The following DCDC1 variants were observed in gnomAD, a reference collection of about 807,000 sequenced individuals.
The protein encoded by DCDC1 is doublecortin domain-containing protein 1.
DCDC1 carries 200 observed loss-of-function variants against 178.3 expected under a neutral mutation model. The ratio of observed to expected loss-of-function variants is 1.12; its 90% CI spans 1.00 to 1.26. The LOEUF is 1.26. Ranked by LOEUF, DCDC1 falls within the 50% of genes most tolerant of loss-of-function variation. The pLI is 0.00. For missense variants in DCDC1, 1,983 were observed against 1,749.2 expected (o/e 1.13, Z -2.38); for synonymous variants, 690 against 604.8 (o/e 1.14, Z -2.07).
intron 20 of DCDC1, among the ~76,000 whole-genome samples, chr11:31,054,471 C>A (rs1237968528): frequency 2.6e-5 from 4 of 152,034 alleles, no homozygotes; most frequent in African/African-American, 9.7e-5. Flanking sequence ...TCATTCTTCA[C>A]AGAATTAGAA....
chr11:31,006,673 A>G (rs1951862627), intron 20 of DCDC1, among the ~76,000 whole-genome samples: 1 of 152,218 alleles, frequency 6.6e-6, no homozygotes, highest in African/African-American at 2.4e-5. Context: ...TGTAATTGAC[A>G]ATACTTTGTC....
intron 12 of DCDC1, among the ~76,000 whole-genome samples, chr11:31,109,802 GGAAAACA>G (rs1198421639): frequency 1.3e-5 from 2 of 152,080 alleles, no homozygotes; most frequent in Non-Finnish European, 2.9e-5. Context: ...CCAATTGTCT[GGAAAACA>G]GAAAAAGGTA....
rs776884235 is a variant in DCDC1 at position 31,103,714 on chromosome 11, T to C, written c.1807A>G (p.Arg603Gly). ...TTATATGCAACCATGATATCACCTC[T>C]GGCAAATGCACTCACTCGGTCAAAG... ...LTFDRVSAFA[R>G]GDIMVAYKTF... Residue 603 changes from arginine to glycine, a missense_variant, in exon 14 of 39, where the codon AGA becomes GGA. Coordinates refer to ENST00000684477, the MANE Select transcript of DCDC1 (RefSeq NM_001387274.1). 2 of 765,872 alleles carry C rather than the reference T, an allele frequency of 2.6e-6. No homozygotes were observed. Among genetic ancestry groups the C allele is most frequent in the Admixed American group, 1.7e-5 (1 of 58,848 alleles). 47.4% of individuals were successfully genotyped at this position (765,872 alleles called of 1,614,324 possible).
chr11:30,971,490 C>A (rs137897127), intron 20 of DCDC1, among the ~76,000 whole-genome samples: 156 of 150,576 alleles, frequency 1.0e-3, no homozygotes, highest in African/African-American at 3.7e-3. Flanking sequence ...AAGAACCAAA[C>A]AAATCCTAGG....
chr11:31,012,440 A>T (rs11819982), intron 20 of DCDC1, among the ~76,000 whole-genome samples: 4,211 of 151,868 alleles, frequency 0.028, 173 homozygotes, highest in African/African-American at 0.095. Context: ...ATCTCTACAA[A>T]ATATATATAT....
chr11:31,295,193 A>C (rs1270107433), intron 6 of DCDC1, among the ~76,000 whole-genome samples: 1 of 152,212 alleles, frequency 6.6e-6, no homozygotes, highest in Non-Finnish European at 1.5e-5. Context: ...TACAATGTGA[A>C]TGCTAAGTAA....
intron 20 of DCDC1, among the ~76,000 whole-genome samples, chr11:31,045,152 G>A (rs1447268258): frequency 6.6e-6 from 1 of 151,970 alleles, no homozygotes; most frequent in African/African-American, 2.4e-5. Flanking sequence ...ATGTATATGT[G>A]TGTAGACTAA....
At chr11:31,184,406 A>T (rs1179184554) in intron 9 of DCDC1, among the ~76,000 whole-genome samples, 3 of 152,232 alleles carry the variant, frequency 2.0e-5, no homozygotes, top group African/African-American at 7.2e-5. Context: ...AAACACCAAA[A>T]GCAATGACAA....
At chr11:31,279,821 C>T (rs1308432387) in intron 7 of DCDC1, among the ~76,000 whole-genome samples, 1 of 151,984 alleles carries the variant, frequency 6.6e-6, no homozygotes, top group Non-Finnish European at 1.5e-5. Context: ...ACCACCATGG[C>T]ACGTGTATAC....
intron 8 of DCDC1, among the ~76,000 whole-genome samples, chr11:31,247,270 G>C (rs1384460077): frequency 6.6e-6 from 1 of 151,910 alleles, no homozygotes; most frequent in Non-Finnish European, 1.5e-5. Flanking sequence ...AATGCAGCCT[G>C]AGTCATGTTT....
intron 1 of DCDC1, among the ~76,000 whole-genome samples, chr11:31,364,591 C>T (rs1033284594): frequency 1.3e-5 from 2 of 152,174 alleles, no homozygotes; most frequent in Non-Finnish European, 2.9e-5. Context: ...AAGAAAAACA[C>T]AGCAACAAGT....
chr11:31,039,436 C>T (rs901991915), intron 20 of DCDC1, among the ~76,000 whole-genome samples: 3 of 152,192 alleles, frequency 2.0e-5, no homozygotes, highest in Non-Finnish European at 2.9e-5. Flanking sequence ...GTTCCACTTA[C>T]TAGCTCTTTG....
At chr11:31,305,502 A>G (rs1334198060) in intron 6 of DCDC1, 113 bp downstream of exon 6, 3 of 1,356,780 alleles carry the variant, frequency 2.2e-6, no homozygotes, top group Non-Finnish European at 3.0e-6. Flanking sequence ...AAATGCGTAA[A>G]CATTAGTTTT....
intron 10 of DCDC1, among the ~76,000 whole-genome samples, chr11:31,134,175 GACA>G (rs1387638795): frequency 3.9e-5 from 6 of 152,184 alleles, no homozygotes; most frequent in Non-Finnish European, 8.8e-5. Flanking sequence ...ATTGAAAACA[GACA>G]ACTTCACTGT....
intron 18 of DCDC1, among the ~76,000 whole-genome samples, chr11:31,072,857 T>C (rs1956652058): frequency 6.6e-6 from 1 of 152,170 alleles, no homozygotes; most frequent in South Asian, 2.1e-4. Context: ...CTAGTATTAA[T>C]AGCTCCATTT....
intron 9 of DCDC1, among the ~76,000 whole-genome samples, chr11:31,153,690 C>G (rs1316142035): frequency 1.3e-5 from 2 of 151,732 alleles, no homozygotes; most frequent in East Asian, 1.9e-4. Context: ...GGCTGAGGCA[C>G]AAGAATCGCT....
chr11:30,907,407 C>T (rs1223217250), intron 29 of DCDC1, among the ~76,000 whole-genome samples: 1 of 152,136 alleles, frequency 6.6e-6, no homozygotes, highest in Non-Finnish European at 1.5e-5. Context: ...TTTTGGTCCT[C>T]CAATCGGGAA....
chr11:31,035,122 A>G (rs188515104), intron 20 of DCDC1, among the ~76,000 whole-genome samples: 7 of 152,186 alleles, frequency 4.6e-5, no homozygotes, highest in Admixed American at 4.6e-4. Flanking sequence ...TTTATTTTGA[A>G]CTCTTTATTT....
At chr11:30,951,105 C>T (rs1216694695) in intron 21 of DCDC1, among the ~76,000 whole-genome samples, 3 of 152,002 alleles carry the variant, frequency 2.0e-5, no homozygotes, top group Non-Finnish European at 4.4e-5. Flanking sequence ...TCCAGAAATT[C>T]TGCAAGATGC....
Sources: gnomAD v4.1 joint callset for allele counts (sites outside exome capture counted in the v4.1 genomes callset) on GRCh38, gnomAD v4.1.1 for gene constraint, MANE v1.5 for transcripts, NCBI Gene and HGNC (gene_info 2026-07-23, HGNC 2026-07-21) for gene names.